Variants in SLC16A1 observed in about 807,000 individuals in gnomAD.
SLC16A1 encodes monocarboxylate transporter 1.
In SLC16A1, 11 loss-of-function variants were observed where a neutral mutation model predicts 32.2. The ratio of observed to expected loss-of-function variants is 0.34; its 90% CI spans 0.21 to 0.56. SLC16A1 has a LOEUF of 0.56. Ranked by LOEUF, SLC16A1 falls within the 20% of genes least tolerant of loss-of-function variation. SLC16A1 has a pLI of 0.87. For missense variants in SLC16A1, 435 were observed against 615.0 expected (o/e 0.71, Z 3.10); for synonymous variants, 231 against 226.8 (o/e 1.02, Z -0.17).
intron 1 of SLC16A1, among the ~76,000 whole-genome samples, chr1:112,942,109 T>C (rs1401393394): frequency 1.3e-5 from 2 of 152,144 alleles, no homozygotes; most frequent in African/African-American, 4.8e-5. Flanking sequence ...GTAGCTGGGA[T>C]TACAGGCGCG....
At chr1:112,946,002 CA>C (rs968791428) in intron 1 of SLC16A1, among the ~76,000 whole-genome samples, 3 of 151,924 alleles carry the variant, frequency 2.0e-5, no homozygotes, top group Non-Finnish European at 4.4e-5. Flanking sequence ...AAAAACAAAA[CA>C]AAAAAACCTA....
intron 1 of SLC16A1, among the ~76,000 whole-genome samples, chr1:112,940,199 G>A (rs1277058502): frequency 1.3e-5 from 2 of 151,740 alleles, no homozygotes. Flanking sequence ...CACCATGCCT[G>A]GCTAATTTTT....
intron 1 of SLC16A1, among the ~76,000 whole-genome samples, chr1:112,942,506 G>T (rs1649543359): frequency 6.6e-6 from 1 of 152,190 alleles, no homozygotes; most frequent in South Asian, 2.1e-4. Flanking sequence ...CTTGTTAGGT[G>T]AAATGGGTTT....
chr1:112,936,050 TA>T (rs1649293430), intron 1 of SLC16A1: 1 of 152,200 alleles, frequency 6.6e-6, no homozygotes, highest in Admixed American at 6.5e-5. Flanking sequence ...AACTTAAGAT[TA>T]AGGTGATGTA....
Position 112,913,554 on chromosome 1 carries a change from G to T in SLC16A1, c.*337C>A, listed in dbSNP as rs1200832749. ...ACAACACTCGAAATAGATGAATTCA[G>T]CAAAAATGGTTTAAGAAGTTAAGGC... On this transcript the variant is annotated 3_prime_UTR_variant, in exon 5 of 5. Transcript: ENST00000369626. The T allele has an allele frequency of 3.6e-5, 9 of 249,070 alleles. No individual in the cohort carries two copies. The South Asian group carries it at 6.3e-4, about 18-fold the overall frequency. 15.4% of individuals were successfully genotyped at this position (249,070 alleles called of 1,614,324 possible). A position where few individuals can be genotyped will look rare whatever the true frequency, so the allele number is the denominator to read the frequency against.
At position 112,913,161 on chromosome 1, in the gene SLC16A1, G is replaced by A. The variant is rs1470116508; in HGVS notation, c.*730C>T. 1.3e-5 allele frequency: 2 copies of A among 152,252 alleles called. No homozygotes were observed. 9.4% of individuals were successfully genotyped at this position (152,252 alleles called of 1,614,324 possible). A position where few individuals can be genotyped will look rare whatever the true frequency, so the allele number is the denominator to read the frequency against. On this transcript the variant is annotated 3_prime_UTR_variant, in exon 5 of 5. Coordinates refer to ENST00000369626, the MANE Select transcript of SLC16A1 (RefSeq NM_003051.4). Reference sequence around the variant, plus strand: ...TCAAAATGCATCTTTGAACAGGGGAGCAGAAATAGCTAATTTAATGAAAAC... The same window carrying A: ...TCAAAATGCATCTTTGAACAGGGGAACAGAAATAGCTAATTTAATGAAAAC...
rs768846143 is a variant in SLC16A1, at chr1:112,913,912, C to T, written c.1482G>A (p.Lys494=). 6.2e-7 allele frequency: 1 copy of T among 1,614,160 alleles called. No homozygotes were observed. The highest frequency in any genetic ancestry group is 8.5e-7 in the Non-Finnish European group (1 of 1,180,000). ...PDQKDTDGGP[K]EEESPV ...GGATTCAGACTGGACTTTCCTCCTC[C>T]TTGGGCCCTCCATCTGTGTCTTTCT... Residue 494 remains lysine (K), a synonymous_variant, in exon 5 of 5, where the codon AAG becomes AAA. Transcript: ENST00000369626.
chr1:112,924,398 A>C, intron 2 of SLC16A1: 1 of 1,120,972 alleles, frequency 8.9e-7, no homozygotes, highest in Middle Eastern at 2.0e-4. Flanking sequence ...TTTGTTTCTC[A>C]CACTTTCTTT....
rs201343926 is a variant in SLC16A1 at position 112,924,838 on chromosome 1, A to G, written c.218-2705T>C. ...GAGGCAGAAGTTGCAGTGAGATGAG[A>G]TCGTGCCTGGGCAACAGAGTGAGGT... is the stretch of plus-strand genomic sequence containing the variant. On this transcript the variant is annotated intron_variant, in intron 2 of 4. Coordinates refer to ENST00000369626, the MANE Select transcript of SLC16A1 (RefSeq NM_003051.4). Among the ~76,000 whole-genome samples, 14 of 152,226 alleles carry G rather than the reference A, an allele frequency of 9.2e-5. No homozygotes were observed. The East Asian group carries it at 2.5e-3, about 27-fold the overall frequency.
intron 1 of SLC16A1, among the ~76,000 whole-genome samples, chr1:112,938,647 T>C (rs1649393333): frequency 6.6e-6 from 1 of 152,166 alleles, no homozygotes; most frequent in African/African-American, 2.4e-5. Context: ...CCTATCCACA[T>C]TACAAGAAGT....
At chr1:112,937,533 C>G (rs1352517857) in intron 1 of SLC16A1, among the ~76,000 whole-genome samples, 1 of 151,322 alleles carries the variant, frequency 6.6e-6, no homozygotes, top group Non-Finnish European at 1.5e-5. Flanking sequence ...TGGTACATAA[C>G]TGAAAAAAAA....
chr1:112,933,282 T>C (rs1003745432), intron 1 of SLC16A1, among the ~76,000 whole-genome samples: 2 of 151,750 alleles, frequency 1.3e-5, no homozygotes, highest in Admixed American at 1.3e-4. Context: ...AACCTGGCTG[T>C]CTCTACTAAA....
intron 2 of SLC16A1, chr1:112,923,757 T>C: frequency 6.6e-7 from 1 of 1,512,940 alleles, no homozygotes; most frequent in Non-Finnish European, 9.2e-7. Context: ...GGAGGGCAAG[T>C]TCCTGGATCT....
Position 112,918,001 on chromosome 1 carries a change from A to G in SLC16A1, c.405T>C (p.Ile135=). The G allele has an allele frequency of 6.3e-7, 1 of 1,592,484 alleles. No homozygotes were observed. The highest frequency in any genetic ancestry group is 8.5e-7 in the Non-Finnish European group (1 of 1,174,994). The change falls in exon 4 of 5, where the codon ATT becomes ATC. Residue 135 remains isoleucine (I), a synonymous_variant. Coordinates refer to ENST00000369626, the MANE Select transcript of SLC16A1 (RefSeq NM_003051.4). ...AFNLNPALTM[I]GKYFYKRRPL... ...GTCGCCTCTTGTAGAAATACTTGCC[A>G]ATCATGGTCAGAGCTGGATTCAAGT...
chr1:112,922,930 G>T (rs988850330), intron 2 of SLC16A1, among the ~76,000 whole-genome samples: 1 of 151,798 alleles, frequency 6.6e-6, no homozygotes, highest in Non-Finnish European at 1.5e-5. Flanking sequence ...TGTTTTTTTT[G>T]AGACGGAGTC....
In SLC16A1 at chr1:112,917,543, C is replaced by T; in HGVS notation, c.863G>A (p.Gly288Glu). 2 of 1,614,096 alleles carry T rather than the reference C, an allele frequency of 1.2e-6. No individual in the cohort carries two copies. Among genetic ancestry groups the T allele is most frequent in the Non-Finnish European group, 1.7e-6 (2 of 1,180,018 alleles). ...FAPLVFLSSY[G>E]KSQHYSSEKS... ...CTCACTAGAATAATGCTGACTCTTC[C>T]CATAACTACTAAGAAACACCAAAGG... The change falls in exon 4 of 5, where the codon GGG becomes GAG. Residue 288 changes from glycine (G) to glutamate (E), a missense_variant. Physicochemically the swap from Gly to Glu is moderately conservative, Grantham distance 98. This residue lies in a region of SLC16A1 where 324 missense variants were observed against 500.3 expected (regional missense o/e 0.65). Coordinates refer to ENST00000369626, the MANE Select transcript of SLC16A1 (RefSeq NM_003051.4). This position sits in a 1 kb window ranked among gnomAD's most constrained non-coding sequence, Gnocchi z 4.1.
intron 1 of SLC16A1, among the ~76,000 whole-genome samples, chr1:112,953,153 C>CTT (rs55766100): frequency 0.29 from 37,191 of 129,928 alleles, 5,985 homozygotes; most frequent in East Asian, 0.61. Flanking sequence ...ACTGAAAATC[C>CTT]TTTTTTTTTT....
intron 2 of SLC16A1, among the ~76,000 whole-genome samples, chr1:112,924,840 C>T (rs1278598950): frequency 6.6e-6 from 1 of 151,940 alleles, no homozygotes; most frequent in Non-Finnish European, 1.5e-5. Flanking sequence ...GAGATGAGAT[C>T]GTGCCTGGGC....
chr1:112,941,557 A>G (rs1649514287), intron 1 of SLC16A1, among the ~76,000 whole-genome samples: 1 of 152,196 alleles, frequency 6.6e-6, no homozygotes. Flanking sequence ...TGCTGGGATT[A>G]CAGGTGTGAG....
Sources: allele counts gnomAD v4.1 joint callset (sites outside exome capture counted in the v4.1 genomes callset), GRCh38; gene constraint gnomAD v4.1.1; regional missense constraint gnomAD v4.1.1; non-coding constraint Gnocchi (gnomAD v3.1); transcripts MANE v1.5; gene names NCBI Gene and HGNC (gene_info 2026-07-23, HGNC 2026-07-21).